Variants in KHDRBS3 observed in about 807,000 individuals in gnomAD.
The protein encoded by KHDRBS3 is KH RNA binding domain containing, signal transduction associated 3.
Under a neutral mutation model 45.6 loss-of-function variants are expected in KHDRBS3, and 23 were observed. The observed-to-expected ratio is 0.50, with a 90% CI of 0.36 to 0.72. The LOEUF is 0.72. KHDRBS3 is among the 30% of genes least tolerant of loss of function. KHDRBS3 has a pLI of 0.00. For missense variants in KHDRBS3, 352 were observed against 424.8 expected (o/e 0.83, Z 1.51); for synonymous variants, 162 against 156.5 (o/e 1.04, Z -0.26).
chr8:135,497,211 A>G (rs1823499009), intron 1 of KHDRBS3, among the ~76,000 whole-genome samples: 1 of 152,208 alleles, frequency 6.6e-6, no homozygotes, highest in South Asian at 2.1e-4. Context: ...GGTATCGTCC[A>G]GTTTGAATAT....
chr8:135,543,664 T>G (rs1826151483), intron 3 of KHDRBS3, among the ~76,000 whole-genome samples: 1 of 152,228 alleles, frequency 6.6e-6, no homozygotes, highest in African/African-American at 2.4e-5. Context: ...CATGTTATCC[T>G]TGGAAAAATG....
chr8:135,626,049 G>A, intron 7 of KHDRBS3: 6 of 574,326 alleles, frequency 1.0e-5, no homozygotes, highest in South Asian at 2.3e-5. Flanking sequence ...TTACTTTTTA[G>A]GCAAGAATGA....
chr8:135,561,539 G>GT (rs11406237), intron 5 of KHDRBS3, among the ~76,000 whole-genome samples: 80,383 of 146,672 alleles, frequency 0.55, 22,678 homozygotes, highest in East Asian at 0.77. Flanking sequence ...TAAGTAATAA[G>GT]TTTTTTTTTT....
intron 6 of KHDRBS3, among the ~76,000 whole-genome samples, chr8:135,601,016 C>A (rs1027873711): frequency 2.0e-5 from 3 of 152,142 alleles, no homozygotes; most frequent in African/African-American, 7.2e-5. Flanking sequence ...AAGGAAATTC[C>A]TTAGGTTGCT....
intron 5 of KHDRBS3, among the ~76,000 whole-genome samples, chr8:135,563,768 G>C (rs1306501672): frequency 2.6e-5 from 4 of 152,150 alleles, no homozygotes; most frequent in Admixed American, 2.6e-4. Context: ...CTCAACAGTT[G>C]TGAGCCGTCC....
chr8:135,472,294 T>G (rs1822056236), intron 1 of KHDRBS3, among the ~76,000 whole-genome samples: 2 of 152,096 alleles, frequency 1.3e-5, no homozygotes, highest in Non-Finnish European at 2.9e-5. Context: ...GTACATACCT[T>G]CACTGCTCTA....
chr8:135,482,425 GA>G (rs1220176379), intron 1 of KHDRBS3, among the ~76,000 whole-genome samples: 2 of 152,158 alleles, frequency 1.3e-5, no homozygotes, highest in Admixed American at 6.5e-5. Context: ...TAGTACGTAA[GA>G]AAAGAGGGGG....
chr8:135,493,292 CTCTT>C (rs1357397855), intron 1 of KHDRBS3, among the ~76,000 whole-genome samples: 2 of 151,838 alleles, frequency 1.3e-5, no homozygotes, highest in Non-Finnish European at 2.9e-5. Flanking sequence ...TTTTATATTT[CTCTT>C]TCTTCTCTTA....
Position 135,607,170 on chromosome 8 carries a change from G to T in KHDRBS3, c.890+133G>T, listed in dbSNP as rs1829502155. 5.1e-6 allele frequency: 3 copies of T among 589,804 alleles called. 1 individual carries two copies. The highest frequency in any genetic ancestry group is 3.0e-6 in the Non-Finnish European group (1 of 337,594). 36.5% of individuals were successfully genotyped at this position (589,804 alleles called of 1,614,324 possible). ...CCCTGTTTTTGTATTTGTTTAAATG[G>T]AGAAGCCCTGTCTGTTCTAGCAACC... On this transcript the variant is annotated intron_variant, in intron 7 of 8. Coordinates refer to ENST00000355849, the MANE Select transcript of KHDRBS3 (RefSeq NM_006558.3).
At chr8:135,581,691 T>C (rs1020031038) in intron 5 of KHDRBS3, among the ~76,000 whole-genome samples, 187 bp from the exon 6 acceptor site, 2 of 152,246 alleles carry the variant, frequency 1.3e-5, no homozygotes, top group East Asian at 3.8e-4. Context: ...ACGAACTGCC[T>C]AAATGCCTTA....
At chr8:135,550,932 A>C (rs1826559399) in intron 4 of KHDRBS3, among the ~76,000 whole-genome samples, 1 of 152,162 alleles carries the variant, frequency 6.6e-6, no homozygotes, top group African/African-American at 2.4e-5. Context: ...TCAGGGTGTC[A>C]GCCTTTTCCT....
chr8:135,468,467 C>A (rs936472487), intron 1 of KHDRBS3, among the ~76,000 whole-genome samples: 1 of 152,190 alleles, frequency 6.6e-6, no homozygotes, highest in East Asian at 1.9e-4. Flanking sequence ...CGAAACTCTA[C>A]GCCTAGGGAC....
At chr8:135,525,324 G>A (rs900018256) in intron 2 of KHDRBS3, among the ~76,000 whole-genome samples, 1 of 152,080 alleles carries the variant, frequency 6.6e-6, no homozygotes, top group Non-Finnish European at 1.5e-5. Flanking sequence ...GATTTCAGAA[G>A]ATTTTATACA....
chr8:135,527,529 T>C (rs1219310121), intron 2 of KHDRBS3, among the ~76,000 whole-genome samples: 2 of 152,208 alleles, frequency 1.3e-5, no homozygotes, highest in African/African-American at 4.8e-5. Flanking sequence ...TGGCCAAAGG[T>C]CCTGCAAAGT....
At chr8:135,625,835 G>A in intron 7 of KHDRBS3, 1 of 769,330 alleles carries the variant, frequency 1.3e-6, no homozygotes, top group East Asian at 2.4e-5. Flanking sequence ...GGAACAGCAT[G>A]TCCATAAACT....
At chr8:135,573,053 G>A (rs1312611090) in intron 5 of KHDRBS3, among the ~76,000 whole-genome samples, 1 of 152,130 alleles carries the variant, frequency 6.6e-6, no homozygotes, top group Non-Finnish European at 1.5e-5. Flanking sequence ...GGATCTCTGG[G>A]AAGGTTTTTC....
intron 1 of KHDRBS3, among the ~76,000 whole-genome samples, chr8:135,519,937 C>T (rs913909148): frequency 1.3e-5 from 2 of 152,278 alleles, no homozygotes; most frequent in Middle Eastern, 3.4e-3. Context: ...TTCATTTATC[C>T]CAAGATACTG....
chr8:135,581,821 A>G (rs1828223512), intron 5 of KHDRBS3, 57 bp from the exon 6 acceptor site: 18 of 1,267,894 alleles, frequency 1.4e-5, no homozygotes, highest in Non-Finnish European at 1.9e-5. Context: ...ATATATGTGA[A>G]TAACAGAATG....
At chr8:135,465,953 T>C (rs1014114064) in intron 1 of KHDRBS3, among the ~76,000 whole-genome samples, 5 of 152,336 alleles carry the variant, frequency 3.3e-5, no homozygotes, top group Admixed American at 6.5e-5. Flanking sequence ...GAAATTATGA[T>C]GAAGATAAGG....
Sources: gnomAD v4.1 joint callset for allele counts (sites outside exome capture counted in the v4.1 genomes callset) on GRCh38, gnomAD v4.1.1 for gene constraint, MANE v1.5 for transcripts, NCBI Gene and HGNC (gene_info 2026-07-23, HGNC 2026-07-21) for gene names.